Variants in SLC1A1 observed in about 807,000 individuals in gnomAD.
The protein encoded by SLC1A1 is excitatory amino acid transporter 3.
SLC1A1 carries 43 observed loss-of-function variants against 53.3 expected under a neutral mutation model. The observed-to-expected ratio is 0.81, with a 90% CI of 0.63 to 1.04. The LOEUF is 1.04. Among genes scored for constraint, SLC1A1 ranks in the 50% least tolerant of loss-of-function variants. The pLI, the probability that SLC1A1 is intolerant of heterozygous loss-of-function variation, is 0.00. For missense variants in SLC1A1, 748 were observed against 664.9 expected (o/e 1.12, Z -1.37); for synonymous variants, 307 against 243.2 (o/e 1.26, Z -2.44).
intron 1 of SLC1A1, among the ~76,000 whole-genome samples, chr9:4,505,110 G>T (rs1402937556): frequency 7.0e-6 from 1 of 143,024 alleles, no homozygotes; most frequent in Non-Finnish European, 1.5e-5. Flanking sequence ...GCAGCGGCAT[G>T]ATCTTGGCTC....
chr9:4,576,791 A>T, intron 10 of SLC1A1, 28 bp downstream of exon 10: 1 of 1,592,698 alleles, frequency 6.3e-7, no homozygotes, highest in Non-Finnish European at 8.6e-7. Context: ...ATTCATTGTC[A>T]TCACTGATAC....
rs575990762 is a variant in SLC1A1 at position 4,564,090 on chromosome 9, C to T, written c.326-254C>T. 3.7e-3 allele frequency among the ~76,000 whole-genome samples: 472 copies of T among 126,938 alleles called. 1 individual carries two copies. The highest frequency in any genetic ancestry group is 0.012 in the African/African-American group (436 of 35,950). The allele number at this position is 126,938 out of a possible 152,430, so 83.3% of individuals were successfully genotyped here. On this transcript the variant is annotated intron_variant, in intron 3 of 11. Coordinates refer to ENST00000262352, the MANE Select transcript of SLC1A1 (RefSeq NM_004170.6). ...GGATGCAGCCCCTTCATTTAAAACA[C>T]ACATACACACACACACAGACGCACA...
Position 4,528,127 on chromosome 9 carries a change from C to T in SLC1A1, c.92-16440C>T, listed in dbSNP as rs547925745. On this transcript the variant is annotated intron_variant, in intron 1 of 11. Coordinates refer to ENST00000262352, the MANE Select transcript of SLC1A1 (RefSeq NM_004170.6). ...GGACACTTTGATGCATACCACGATG[C>T]GGTGATGACAGTGCTAATTGATCAG... 5.9e-5 allele frequency among the ~76,000 whole-genome samples: 9 copies of T among 152,244 alleles called. No homozygotes were observed. The South Asian group carries it at 1.2e-3, about 21-fold the overall frequency.
chr9:4,536,097 G>T (rs1466322552), intron 1 of SLC1A1, among the ~76,000 whole-genome samples: 1 of 152,112 alleles, frequency 6.6e-6, no homozygotes, highest in Non-Finnish European at 1.5e-5. Flanking sequence ...AACCCTAGAA[G>T]AAAACCTAGG....
intron 5 of SLC1A1, 145 bp from the exon 6 acceptor site, chr9:4,567,524 A>T (rs1322871921): frequency 1.5e-6 from 1 of 674,014 alleles, no homozygotes; most frequent in East Asian, 2.8e-5. Context: ...GGTACCGTTG[A>T]CAACTGGAGC....
chr9:4,514,022 C>T (rs1821080790), intron 1 of SLC1A1, among the ~76,000 whole-genome samples: 1 of 152,076 alleles, frequency 6.6e-6, no homozygotes. Context: ...CTAGTGGTTG[C>T]TAGAGGTTAG....
chr9:4,495,876 G>C (rs563967487), intron 1 of SLC1A1, among the ~76,000 whole-genome samples: 1 of 152,276 alleles, frequency 6.6e-6, no homozygotes, highest in Non-Finnish European at 1.5e-5. Context: ...AAAACAGAGA[G>C]TCCTGGAAGG....
intron 3 of SLC1A1, 137 bp downstream of exon 3, chr9:4,561,678 G>A: frequency 1.4e-6 from 1 of 726,504 alleles, no homozygotes; most frequent in Non-Finnish European, 2.5e-6. Flanking sequence ...GATCCCTTGA[G>A]GTCAGGGGTT....
At chr9:4,569,307 G>A (rs1266944429) in intron 6 of SLC1A1, among the ~76,000 whole-genome samples, 1 of 152,142 alleles carries the variant, frequency 6.6e-6, no homozygotes, top group Non-Finnish European at 1.5e-5. Context: ...TAAGTGGGAT[G>A]GGCAACAACA....
intron 10 of SLC1A1, among the ~76,000 whole-genome samples, chr9:4,578,468 G>C (rs1010557259): frequency 8.5e-5 from 13 of 152,180 alleles, no homozygotes; most frequent in African/African-American, 3.1e-4. Flanking sequence ...AGGAGATTAA[G>C]GACTGAGGCT....
chr9:4,526,827 C>T (rs1271785497), intron 1 of SLC1A1, among the ~76,000 whole-genome samples: 1 of 151,154 alleles, frequency 6.6e-6, no homozygotes, highest in Non-Finnish European at 1.5e-5. Context: ...GAGACGGCAC[C>T]CAAGATTGCT....
At chr9:4,510,366 C>T (rs1820959864) in intron 1 of SLC1A1, among the ~76,000 whole-genome samples, 1 of 152,174 alleles carries the variant, frequency 6.6e-6, no homozygotes, top group African/African-American at 2.4e-5. Flanking sequence ...ACCTAGAATA[C>T]CAGTGGCAGC....
chr9:4,557,994 A>G (rs911714302), intron 2 of SLC1A1, among the ~76,000 whole-genome samples: 1 of 152,206 alleles, frequency 6.6e-6, no homozygotes, highest in African/African-American at 2.4e-5. Flanking sequence ...GGTTGTAATG[A>G]GAATTAAAGA....
intron 2 of SLC1A1, chr9:4,560,110 G>A (rs1818791023): frequency 6.6e-6 from 1 of 152,170 alleles, no homozygotes; most frequent in African/African-American, 2.4e-5. Flanking sequence ...TGTGCCCTGG[G>A]AAATTATTTA....
chr9:4,531,993 G>T (rs1471458249), intron 1 of SLC1A1, among the ~76,000 whole-genome samples: 2 of 152,188 alleles, frequency 1.3e-5, no homozygotes, highest in Non-Finnish European at 2.9e-5. Context: ...GCAGCTGAGG[G>T]TCCTGACCGT....
intron 11 of SLC1A1, among the ~76,000 whole-genome samples, chr9:4,584,280 C>T (rs1301831513): frequency 6.6e-6 from 1 of 152,238 alleles, no homozygotes; most frequent in Admixed American, 6.5e-5. Flanking sequence ...CCCTCAGTAG[C>T]TAACTGGGCT....
At chr9:4,557,441 G>C (rs1586783734) in intron 2 of SLC1A1, among the ~76,000 whole-genome samples, 1 of 152,242 alleles carries the variant, frequency 6.6e-6, no homozygotes, top group African/African-American at 2.4e-5. Flanking sequence ...TAGAGAGATT[G>C]GGCTGTCCAA....
At chr9:4,535,263 A>G (rs929778182) in intron 1 of SLC1A1, among the ~76,000 whole-genome samples, 2 of 152,182 alleles carry the variant, frequency 1.3e-5, no homozygotes, top group African/African-American at 4.8e-5. Flanking sequence ...AGAGAAGTCA[A>G]ATTGTCCCTG....
intron 11 of SLC1A1, among the ~76,000 whole-genome samples, chr9:4,584,731 G>A (rs1448576977): frequency 6.6e-6 from 1 of 152,170 alleles, no homozygotes; most frequent in Non-Finnish European, 1.5e-5. Flanking sequence ...GGATGAGGGT[G>A]GCCCACAGAG....
Sources: gnomAD v4.1 joint callset for allele counts (sites outside exome capture counted in the v4.1 genomes callset) on GRCh38, gnomAD v4.1.1 for gene constraint, MANE v1.5 for transcripts, NCBI Gene and HGNC (gene_info 2026-07-23, HGNC 2026-07-21) for gene names.